Variants in PRSS57 observed in about 807,000 individuals in gnomAD.
PRSS57 encodes the protein serine protease 57.
A neutral mutation model predicts 20.6 loss-of-function variants in PRSS57; 19 were observed. The observed-to-expected ratio is 0.92, with a 90% confidence interval of 0.64 to 1.35. PRSS57 has a LOEUF of 1.35. Ranked by LOEUF, PRSS57 falls within the 40% of genes most tolerant of loss-of-function variation. The pLI, the probability that PRSS57 is intolerant of heterozygous loss-of-function variation, is 0.00. For missense variants in PRSS57, 440 were observed against 403.7 expected, an observed-to-expected ratio of 1.09 and a Z score of -0.77; for synonymous variants, 203 against 176.6, an observed-to-expected ratio of 1.15 and a Z score of -1.19.
Position 686,863 on chromosome 19 carries a change from C to A in PRSS57, c.642+62G>T, listed in dbSNP as rs1186824049. 6.4e-6 allele frequency: 10 copies of A among 1,558,428 alleles called. No homozygotes were observed. In the African/African-American group the frequency reaches 1.2e-4, roughly 19 times the overall value. On this transcript the variant is annotated intron_variant, in intron 4 of 4. Transcript: ENST00000329267. ...TTCCCAAGGCCCTTCCTGGCCCTGA[C>A]CCTCTCTGTGGGCCTTGGTTTCCCC...
intron 4 of PRSS57, among the ~76,000 whole-genome samples, chr19:686,573 G>A (rs1275152257): frequency 6.6e-6 from 1 of 152,076 alleles, no homozygotes; most frequent in Non-Finnish European, 1.5e-5. Context: ...TCTCTTGCCT[G>A]CGGTAAAAGA....
intron 4 of PRSS57, among the ~76,000 whole-genome samples, chr19:686,402 C>T (rs188605841): frequency 5.3e-5 from 8 of 151,952 alleles, no homozygotes; most frequent in Non-Finnish European, 1.2e-4. Context: ...CGCTCTGATA[C>T]CATCAACTGG....
intron 3 of PRSS57, chr19:690,831 G>A: frequency 2.9e-6 from 1 of 339,260 alleles, no homozygotes; most frequent in East Asian, 7.6e-5. Flanking sequence ...AACAAGATCG[G>A]CAAGCCCTAC....
intron 4 of PRSS57, among the ~76,000 whole-genome samples, chr19:686,266 T>G (rs2031471854): frequency 6.6e-6 from 1 of 152,046 alleles, no homozygotes; most frequent in Admixed American, 6.6e-5. Context: ...CTCTCTGCCT[T>G]GCGTGTGTTT....
rs2031447933 is a variant in PRSS57, at chr19:685,601, C to T, written c.*115G>A. 1.0e-6 allele frequency: 1 copy of T among 988,940 alleles called. No individual in the cohort carries two copies. 61.3% of individuals were successfully genotyped at this position (988,940 alleles called of 1,614,324 possible). A position where few individuals can be genotyped will look rare whatever the true frequency, so the allele number is the denominator to read the frequency against. On this transcript the variant is annotated 3_prime_UTR_variant, in exon 5 of 5. Coordinates refer to ENST00000329267, the MANE Select transcript of PRSS57 (RefSeq NM_001308209.2). ...GCCCTTTGCATGTGGAATGGGTGTG[C>T]CCCACCGCTGCCCGTCCCACCCCAA...
At position 685,932 on chromosome 19, in the gene PRSS57, A is replaced by G. The variant is rs1228335815; in HGVS notation, c.643-10T>C. The G allele has an allele frequency of 3.3e-6, 5 of 1,532,386 alleles. No individual in the cohort carries two copies. The highest frequency in any genetic ancestry group is 4.4e-6 in the Non-Finnish European group (5 of 1,135,114). 94.9% of individuals were successfully genotyped at this position (1,532,386 alleles called of 1,614,324 possible). A position where few individuals can be genotyped will look rare whatever the true frequency, so the allele number is the denominator to read the frequency against. ...GCCCTCCGGAGTCGGCCTGGAGTGA[A>G]AGGAGAGGTGAGGTCAGGGCCTCTG... is the stretch of plus-strand genomic sequence containing the variant. On this transcript the variant is annotated splice_polypyrimidine_tract_variant and intron_variant, in intron 4 of 4. Transcript: ENST00000329267.
rs566863604 is a variant in PRSS57, at chr19:693,023, GT to G, written c.234-1022del. On this transcript the variant is annotated intron_variant, in intron 2 of 4. Coordinates refer to ENST00000329267, the MANE Select transcript of PRSS57 (RefSeq NM_001308209.2). ...GCTCTCTGCAAGCTCCACCTCCCGGGTTCACGCCATTCTCCTGCCTCAGCCT... is the reference window on the plus strand; with the variant it reads ...GCTCTCTGCAAGCTCCACCTCCCGGGTCACGCCATTCTCCTGCCTCAGCCT... Among the ~76,000 whole-genome samples, 753 of 150,878 alleles carry G rather than the reference GT, an allele frequency of 5.0e-3. 4 individuals carry two copies. Among genetic ancestry groups the G allele is most frequent in the African/African-American group, 0.018 (721 of 41,156 alleles).
In PRSS57 at chr19:691,866, G is replaced by A. The variant is rs933563517; in HGVS notation, c.370C>T (p.Leu124=). 3.7e-6 allele frequency: 5 copies of A among 1,334,204 alleles called. No homozygotes were observed. The highest frequency in any genetic ancestry group is 4.8e-6 in the Non-Finnish European group (5 of 1,032,742). The allele number at this position is 1,334,204 out of a possible 1,614,324, so 82.6% of individuals were successfully genotyped here. ...CCACCCCCGGGGCTCACCCGCAGCA[G>A]GCAGATGTCGTTGGCGTGGGTCATG... is the stretch of plus-strand genomic sequence containing the variant. ...HPMTHANDIC[L]LRLNGSAVLG... The change falls in exon 3 of 5, where the codon CTG becomes TTG. Residue 124 remains leucine, a synonymous_variant. Coordinates refer to ENST00000329267, the MANE Select transcript of PRSS57 (RefSeq NM_001308209.2).
chr19:686,759 G>A (rs1030543136), intron 4 of PRSS57, among the ~76,000 whole-genome samples, 166 bp downstream of exon 4: 1 of 152,162 alleles, frequency 6.6e-6, no homozygotes, highest in East Asian at 1.9e-4. Flanking sequence ...GAACATGGCA[G>A]CCCTGCATGA....
chr19:687,509 G>T (rs1044492692), intron 3 of PRSS57, among the ~76,000 whole-genome samples: 1 of 152,122 alleles, frequency 6.6e-6, no homozygotes, highest in African/African-American at 2.4e-5. Flanking sequence ...AGGTTCAACC[G>T]ATTTCTCCTG....
At chr19:695,307 G>A (rs777058023) in intron 1 of PRSS57, 45 bp downstream of exon 1, 22 of 1,006,126 alleles carry the variant, frequency 2.2e-5, no homozygotes, top group African/African-American at 2.2e-4. Context: ...CCCCCGTACG[G>A]GGACTTGGCG....
At chr19:695,189 G>T in intron 1 of PRSS57, among the ~76,000 whole-genome samples, 163 bp downstream of exon 1, 1 of 152,120 alleles carries the variant, frequency 6.6e-6, no homozygotes, top group Admixed American at 6.5e-5. Context: ...CAGAGACCCC[G>T]GCCGGATTTC....
At chr19:686,701 A>T (rs535165359) in intron 4 of PRSS57, among the ~76,000 whole-genome samples, 1 of 152,150 alleles carries the variant, frequency 6.6e-6, no homozygotes, top group African/African-American at 2.4e-5. Context: ...CTGCTTGTAT[A>T]AATACACAAG....
At chr19:692,711 C>CCAG (rs770457242) in intron 2 of PRSS57, among the ~76,000 whole-genome samples, 6 of 151,628 alleles carry the variant, frequency 4.0e-5, no homozygotes, top group Non-Finnish European at 7.4e-5. Flanking sequence ...GCCACGGTGC[C>CCAG]CAGCCCCCAA....
intron 2 of PRSS57, among the ~76,000 whole-genome samples, chr19:693,314 ACCTCCCAGGCTCAAGCGATCCTCCCACAG>A (rs1252350757): frequency 3.7e-5 from 5 of 135,278 alleles, no homozygotes; most frequent in South Asian, 2.4e-4. Flanking sequence ...TGCAGCCTCG[ACCTCCCAGGCTCAAGCGATCCTCCCACAG>A]CAGCCTTTCA....
chr19:690,575 G>A (rs1422184158), intron 3 of PRSS57: 3 of 256,904 alleles, frequency 1.2e-5, no homozygotes, highest in South Asian at 4.4e-5. Context: ...GCCCATCAAG[G>A]AATCTGAGAT....
chr19:688,373 C>T (rs1206276088), intron 3 of PRSS57, among the ~76,000 whole-genome samples: 1 of 144,962 alleles, frequency 6.9e-6, no homozygotes, highest in Non-Finnish European at 1.5e-5. Context: ...CAGAGTCTTG[C>T]TCTGTTGTCC....
chr19:695,361 T>C lies in PRSS57; in HGVS notation c.70A>G (p.Lys24Glu), dbSNP rs779868349. 8 of 1,276,078 alleles carry C rather than the reference T, an allele frequency of 6.3e-6. 1 individual carries two copies. The Admixed American group carries it at 2.5e-4, about 41-fold the overall frequency. 79.0% of individuals were successfully genotyped at this position (1,276,078 alleles called of 1,614,324 possible). ...TVATALMLPV[K>E]PPGSWGAQII... ...CCGGGGGGCTCCTCACCGGGGGGCTTCACGGGCAGCATCAGGGCGGTGGCC... is the reference window on the plus strand; with the variant it reads ...CCGGGGGGCTCCTCACCGGGGGGCTCCACGGGCAGCATCAGGGCGGTGGCC... Residue 24 changes from lysine to glutamate, a missense_variant, in exon 1 of 5, where the codon AAG becomes GAG. Lys to Glu is a moderately conservative substitution (Grantham distance 56). Coordinates refer to ENST00000329267, the MANE Select transcript of PRSS57 (RefSeq NM_001308209.2).
chr19:686,413 A>G (rs1320927895), intron 4 of PRSS57, among the ~76,000 whole-genome samples: 1 of 151,978 alleles, frequency 6.6e-6, no homozygotes, highest in Non-Finnish European at 1.5e-5. Flanking sequence ...CATCAACTGG[A>G]TACTAATAGT....
Sources: gnomAD v4.1 joint callset for allele counts (sites outside exome capture counted in the v4.1 genomes callset) on GRCh38, gnomAD v4.1.1 for gene constraint, MANE v1.5 for transcripts, NCBI Gene and HGNC (gene_info 2026-07-23, HGNC 2026-07-21) for gene names.